The following MAN1C1 variants were observed in gnomAD, a reference collection of about 807,000 sequenced individuals.
The protein encoded by MAN1C1 is mannosyl-oligosaccharide 1,2-alpha-mannosidase IC.
Under a neutral mutation model 71.5 loss-of-function variants are expected in MAN1C1, and 49 were observed. That is an observed-to-expected ratio of 0.69 (90% CI 0.54 to 0.87). MAN1C1 has a LOEUF of 0.87. MAN1C1 is among the 40% of genes least tolerant of loss of function. The pLI, the probability that MAN1C1 is intolerant of heterozygous loss-of-function variation, is 0.00. For missense variants in MAN1C1, 743 were observed against 835.0 expected (o/e 0.89, Z 1.36); for synonymous variants, 352 against 343.7 (o/e 1.02, Z -0.27).
chr1:25,740,253 A>T (rs1018681929), intron 2 of MAN1C1, among the ~76,000 whole-genome samples: 1 of 152,106 alleles, frequency 6.6e-6, no homozygotes, highest in African/African-American at 2.4e-5. Context: ...GCCGAAGTGG[A>T]GGCTGAAGGG....
At chr1:25,706,869 T>C (rs2046531006) in intron 2 of MAN1C1, among the ~76,000 whole-genome samples, 1 of 152,216 alleles carries the variant, frequency 6.6e-6, no homozygotes, top group South Asian at 2.1e-4. Flanking sequence ...GAGTTCCAGC[T>C]GCCTGTGCCA....
chr1:25,751,791 G>T (rs1445145429), intron 4 of MAN1C1, among the ~76,000 whole-genome samples: 2 of 152,204 alleles, frequency 1.3e-5, no homozygotes, highest in African/African-American at 4.8e-5. Context: ...GGGTCGCACA[G>T]TGTCTGAGGG....
chr1:25,680,285 A>G (rs2046133163), intron 1 of MAN1C1, among the ~76,000 whole-genome samples: 1 of 151,794 alleles, frequency 6.6e-6, no homozygotes, highest in South Asian at 2.1e-4. Flanking sequence ...CTGGTTTTGA[A>G]CTCCTGGCCT....
chr1:25,698,697 A>G (rs914453401), intron 2 of MAN1C1, among the ~76,000 whole-genome samples: 8 of 152,140 alleles, frequency 5.3e-5, no homozygotes, highest in African/African-American at 1.9e-4. Flanking sequence ...CATGCCTGTA[A>G]TCCCAGCACT....
chr1:25,673,515 A>T (rs1348503232), intron 1 of MAN1C1, among the ~76,000 whole-genome samples: 1 of 152,210 alleles, frequency 6.6e-6, no homozygotes, highest in African/African-American at 2.4e-5. Flanking sequence ...ATGAGTTTAT[A>T]TGTAAAGCAC....
At chr1:25,696,882 A>G (rs1004154188) in intron 2 of MAN1C1, among the ~76,000 whole-genome samples, 2 of 152,170 alleles carry the variant, frequency 1.3e-5, no homozygotes, top group South Asian at 4.1e-4. Context: ...CCTGGCCTCA[A>G]GGGGTCCTCC....
At chr1:25,629,745 T>C (rs1199118331) in intron 1 of MAN1C1, among the ~76,000 whole-genome samples, 1 of 152,112 alleles carries the variant, frequency 6.6e-6, no homozygotes, top group African/African-American at 2.4e-5. Context: ...TAATTGATTT[T>C]TTTTTTTTCT....
intron 2 of MAN1C1, among the ~76,000 whole-genome samples, chr1:25,741,162 A>G (rs938411794): frequency 6.6e-6 from 1 of 151,972 alleles, no homozygotes; most frequent in Non-Finnish European, 1.5e-5. Context: ...TGTGACTTTT[A>G]GTAGAGACAG....
rs1463879211 is a variant in MAN1C1 at position 25,775,744 on chromosome 1, C to T, written c.1258-2361C>T. Among the ~76,000 whole-genome samples, 1 of 152,152 alleles carries T rather than the reference C, an allele frequency of 6.6e-6. No homozygotes were observed. Among genetic ancestry groups the T allele is most frequent in the Admixed American group, 6.5e-5 (1 of 15,274 alleles). On this transcript the variant is annotated intron_variant, in intron 8 of 11. Transcript: ENST00000374332. The surrounding 1 kb of genome is among the most constrained non-coding windows in gnomAD (Gnocchi z 5.1). ...GAGCATGCAGGAAGGAGGCGCAGCACCAGCTAAGCCCCGAAGCAGGAAGAA... is the reference window on the plus strand; with the variant it reads ...GAGCATGCAGGAAGGAGGCGCAGCATCAGCTAAGCCCCGAAGCAGGAAGAA...
chr1:25,752,034 C>T (rs2047222760), intron 4 of MAN1C1, among the ~76,000 whole-genome samples: 3 of 152,108 alleles, frequency 2.0e-5, no homozygotes, highest in Admixed American at 2.0e-4. Context: ...CACACTTTTC[C>T]TGGGCTGAGG....
intron 1 of MAN1C1, among the ~76,000 whole-genome samples, chr1:25,664,119 C>A (rs896631957): frequency 3.9e-5 from 6 of 152,250 alleles, no homozygotes; most frequent in African/African-American, 1.4e-4. Flanking sequence ...GGTAGAGGGG[C>A]CCAGTATGGC....
intron 2 of MAN1C1, among the ~76,000 whole-genome samples, chr1:25,731,420 G>A (rs1247994868): frequency 6.6e-6 from 1 of 152,110 alleles, no homozygotes; most frequent in African/African-American, 2.4e-5. Flanking sequence ...TTACATTTAA[G>A]GAAAACAAAC....
rs191228960 is a variant in MAN1C1, at chr1:25,764,947, C to T, written c.1141+980C>T. On this transcript the variant is annotated intron_variant, in intron 7 of 11. Transcript: ENST00000374332. The surrounding 1 kb of genome is among the most constrained non-coding windows in gnomAD (Gnocchi z 4.4). ...TCTCTAGTCCCAGCTACTCAGGAGG[C>T]TGAGGCAGGAGAATCGCTTGAACCC... is the stretch of plus-strand genomic sequence containing the variant. Among the ~76,000 whole-genome samples the T allele has an allele frequency of 1.3e-5, 2 of 151,968 alleles. No homozygotes were observed. Among genetic ancestry groups the T allele is most frequent in the Non-Finnish European group, 2.9e-5 (2 of 67,988 alleles).
At chr1:25,636,375 G>A (rs1451394957) in intron 1 of MAN1C1, among the ~76,000 whole-genome samples, 2 of 152,164 alleles carry the variant, frequency 1.3e-5, no homozygotes, top group East Asian at 1.9e-4. Context: ...CTCCCAGAGC[G>A]GCCGTTTATA....
At chr1:25,780,893 G>A (rs1359253739) in intron 9 of MAN1C1, 47 bp from the exon 10 acceptor site, 4 of 1,589,712 alleles carry the variant, frequency 2.5e-6, no homozygotes, top group Non-Finnish European at 2.6e-6. Context: ...CCGAAAAGCA[G>A]GAGGTGGGAG....
chr1:25,763,558 G>C (rs995338223), intron 6 of MAN1C1: 33 of 273,550 alleles, frequency 1.2e-4, no homozygotes, highest in Admixed American at 2.1e-4. Flanking sequence ...CAAGCAATGA[G>C]GAAGTGTTGA....
At chr1:25,739,811 C>T (rs2124320882) in intron 2 of MAN1C1, among the ~76,000 whole-genome samples, 1 of 152,244 alleles carries the variant, frequency 6.6e-6, no homozygotes, top group South Asian at 2.1e-4. Flanking sequence ...GACACTTAAC[C>T]CTGCTCTGGA....
intron 1 of MAN1C1, among the ~76,000 whole-genome samples, chr1:25,636,554 T>C (rs746043229): frequency 6.6e-6 from 1 of 152,216 alleles, no homozygotes; most frequent in Non-Finnish European, 1.5e-5. Flanking sequence ...TCAGACCTTA[T>C]GGTTGTCTTC....
intron 7 of MAN1C1, among the ~76,000 whole-genome samples, chr1:25,768,390 A>ACACACACAGACC: frequency 9.6e-6 from 1 of 104,138 alleles, no homozygotes; most frequent in Non-Finnish European, 1.9e-5. Context: ...CACTCCCCTC[A>ACACACACAGACC]CATACATCCA....
Sources: allele counts gnomAD v4.1 joint callset (sites outside exome capture counted in the v4.1 genomes callset), GRCh38; gene constraint gnomAD v4.1.1; non-coding constraint Gnocchi (gnomAD v3.1); transcripts MANE v1.5; gene names NCBI Gene and HGNC (gene_info 2026-07-23, HGNC 2026-07-21).